Variants in FGF13 observed in about 807,000 individuals in gnomAD.
FGF13 encodes the protein fibroblast growth factor homologous factor 2.
A neutral mutation model predicts 19.5 loss-of-function variants in FGF13; 2 were observed. The ratio of observed to expected loss-of-function variants is 0.10; its 90% CI spans 0.04 to 0.32. FGF13 has a LOEUF of 0.32. FGF13 is among the 10% of genes least tolerant of loss of function. The pLI is 1.00. For synonymous variants in FGF13, 72 were observed against 76.9 expected, an observed-to-expected ratio of 0.94 and a Z score of 0.33; for missense variants, 113 against 192.7, an observed-to-expected ratio of 0.59 and a Z score of 2.45.
intron 3 of FGF13, among the ~76,000 whole-genome samples, chrX:138,781,770 T>A (rs1292057311): frequency 9.0e-6 from 1 of 111,315 alleles, no homozygotes; most frequent in Non-Finnish European, 1.9e-5. Context: ...ACTATTCCAA[T>A]CAATAGAAAA....
intron 3 of FGF13, among the ~76,000 whole-genome samples, chrX:138,769,529 C>T (rs151255403): frequency 0.016 from 1,788 of 111,753 alleles, 25 homozygotes; most frequent in African/African-American, 0.055. Flanking sequence ...CCATTATAAC[C>T]ATGACCATCA....
intron 1 of FGF13, among the ~76,000 whole-genome samples, chrX:139,109,941 A>G (rs1308983662): frequency 3.6e-5 from 4 of 111,298 alleles, no homozygotes; most frequent in Non-Finnish European, 7.5e-5. Flanking sequence ...CAATTAATTC[A>G]CCAAATACTT....
At chrX:139,158,648 G>A (rs978322797) in intron 1 of FGF13, among the ~76,000 whole-genome samples, 1 of 111,287 alleles carries the variant, frequency 9.0e-6, no homozygotes, top group Non-Finnish European at 1.9e-5. Context: ...TGATGGAGGT[G>A]AAAAACACAG....
chrX:139,110,173 C>T (rs75396551), intron 1 of FGF13, among the ~76,000 whole-genome samples: 24,958 of 108,068 alleles, frequency 0.23, 2,706 homozygotes, highest in African/African-American at 0.42. Flanking sequence ...ATTTTATATT[C>T]GTATACTATA....
intron 1 of FGF13, among the ~76,000 whole-genome samples, chrX:138,932,890 A>G (rs949217272): frequency 9.0e-6 from 1 of 110,749 alleles, no homozygotes; most frequent in African/African-American, 3.3e-5. Context: ...AGACACCTAT[A>G]TCTCCTCCAG....
chrX:139,008,649 G>A (rs760852953), intron 1 of FGF13, among the ~76,000 whole-genome samples: 11 of 111,977 alleles, frequency 9.8e-5, no homozygotes, highest in African/African-American at 3.2e-4. Context: ...TAGGGGAAGG[G>A]GGAGAACACC....
chrX:138,657,666 C>T (rs889283852), intron 3 of FGF13, among the ~76,000 whole-genome samples: 6 of 112,122 alleles, frequency 5.4e-5, no homozygotes, highest in Admixed American at 9.5e-5. Flanking sequence ...AAATCTTTTA[C>T]TGACTACTGG....
chrX:138,913,312 G>A (rs1273280542), intron 1 of FGF13, among the ~76,000 whole-genome samples: 3 of 104,501 alleles, frequency 2.9e-5, no homozygotes, highest in Non-Finnish European at 5.8e-5. Context: ...GACTACAGGC[G>A]TGTGCCACTA....
chrX:139,097,221 A>G (rs1396209937), intron 1 of FGF13, among the ~76,000 whole-genome samples: 1 of 112,156 alleles, frequency 8.9e-6, no homozygotes, highest in Non-Finnish European at 1.9e-5. Flanking sequence ...AGGGGTGTCC[A>G]GTCTTTTGGC....
chrX:138,916,084 C>T (rs1458645535), intron 1 of FGF13, among the ~76,000 whole-genome samples: 4 of 111,930 alleles, frequency 3.6e-5, no homozygotes, highest in East Asian at 5.6e-4. Context: ...GCTGGTGTTG[C>T]ATAAAGGTGC....
At chrX:139,006,705 G>C (rs192670670) in intron 1 of FGF13, among the ~76,000 whole-genome samples, 1 of 111,885 alleles carries the variant, frequency 8.9e-6, no homozygotes, top group Non-Finnish European at 1.9e-5. Context: ...TGAAATTGAC[G>C]TGTAGAATTG....
At chrX:138,716,351 G>A (rs2090101273), upstream of FGF13, 1 of 112,054 alleles carries the variant, frequency 8.9e-6, no homozygotes, top group Admixed American at 9.5e-5. Context: ...GTCTAATTAT[G>A]TACAAAGGCT....
chrX:138,959,211 G>A (rs1158117221), intron 1 of FGF13, among the ~76,000 whole-genome samples: 1 of 111,615 alleles, frequency 9.0e-6, no homozygotes, highest in Non-Finnish European at 1.9e-5. Flanking sequence ...CAGAGATTCT[G>A]GCATGTTGTG....
chrX:138,929,876 G>GTT (rs1421896825), intron 1 of FGF13, among the ~76,000 whole-genome samples: 2 of 108,071 alleles, frequency 1.9e-5, no homozygotes, highest in African/African-American at 6.7e-5. Context: ...GTGTGTGTGT[G>GTT]TGTGTGTGTG....
At chrX:138,857,008 C>T (rs887745425), downstream of FGF13, among the ~76,000 whole-genome samples, 1 of 111,866 alleles carries the variant, frequency 8.9e-6, no homozygotes, top group African/African-American at 3.3e-5. Context: ...TGCAACGGGG[C>T]GTGCATTATA....
At chrX:139,164,188 C>G (rs1343863854) in intron 1 of FGF13, among the ~76,000 whole-genome samples, 1 of 108,636 alleles carries the variant, frequency 9.2e-6, no homozygotes, top group Admixed American at 1.0e-4. Context: ...ATGTGACATG[C>G]TGGTGCGCTG....
At chrX:139,043,252 T>C (rs981463092) in intron 1 of FGF13, among the ~76,000 whole-genome samples, 3 of 110,714 alleles carry the variant, frequency 2.7e-5, no homozygotes, top group African/African-American at 9.9e-5. Flanking sequence ...CACTCTGTCA[T>C]GCAGGCTGGA....
chrX:139,068,909 T>C (rs1474369592), intron 1 of FGF13, among the ~76,000 whole-genome samples: 1 of 110,719 alleles, frequency 9.0e-6, no homozygotes, highest in Non-Finnish European at 1.9e-5. Flanking sequence ...AAAACCACAA[T>C]GACATACCAT....
At chrX:138,650,516 T>C (rs1249489999) in intron 3 of FGF13, among the ~76,000 whole-genome samples, 1 of 111,999 alleles carries the variant, frequency 8.9e-6, no homozygotes, top group East Asian at 2.8e-4. Flanking sequence ...AAGTCGTACA[T>C]GTTATGACTA....
Sources: allele counts gnomAD v4.1 joint callset (sites outside exome capture counted in the v4.1 genomes callset), GRCh38; gene constraint gnomAD v4.1.1; transcripts MANE v1.5; gene names NCBI Gene and HGNC (gene_info 2026-07-23, HGNC 2026-07-21).